The following EPYC variants were observed in gnomAD, a reference collection of about 807,000 sequenced individuals.
EPYC encodes the protein epiphycan.
A neutral mutation model predicts 30.1 loss-of-function variants in EPYC; 28 were observed. The observed-to-expected ratio is 0.93, with a 90% CI of 0.69 to 1.28. The LOEUF is 1.28. Among genes scored for constraint, EPYC ranks in the 50% most tolerant of loss-of-function variants. EPYC has a pLI of 0.00. For missense variants in EPYC, 382 were observed against 383.5 expected, an observed-to-expected ratio of 1.00 and a Z score of 0.03; for synonymous variants, 144 against 141.4, an observed-to-expected ratio of 1.02 and a Z score of -0.13.
At position 90,986,612 on chromosome 12, in the gene EPYC, T is replaced by C. The variant is rs561077290; in HGVS notation, c.166-8350A>G. On this transcript the variant is annotated intron_variant, in intron 2 of 6. Coordinates refer to ENST00000261172, the MANE Select transcript of EPYC (RefSeq NM_004950.5). ...CCATATAAACAAGCTGGGGCCAGCC[T>C]GTTGGAAGATGAGAGAGCACACGGT... 7.9e-5 allele frequency among the ~76,000 whole-genome samples: 12 copies of C among 152,210 alleles called. No individual in the cohort carries two copies. The South Asian group carries it at 1.9e-3, about 24-fold the overall frequency.
At chr12:90,968,452 G>A (rs1162981727) in intron 6 of EPYC, among the ~76,000 whole-genome samples, 1 of 152,118 alleles carries the variant, frequency 6.6e-6, no homozygotes, top group African/African-American at 2.4e-5. Flanking sequence ...AGTTTTAACT[G>A]CTATACTACA....
Position 90,978,264 on chromosome 12 carries a change from T to TAA in EPYC, c.166-3_166-2insTT. 7.0e-7 allele frequency: 1 copy of TAA among 1,435,412 alleles called. No individual in the cohort carries two copies. Among genetic ancestry groups the TAA allele is most frequent in the Non-Finnish European group, 9.1e-7 (1 of 1,100,128 alleles). 88.9% of individuals were successfully genotyped at this position (1,435,412 alleles called of 1,614,324 possible). On this transcript the variant is annotated splice_polypyrimidine_tract_variant and splice_region_variant and intron_variant, in intron 2 of 6. Transcript: ENST00000261172. ...AGGCATCACTGTGGCTATTTCAATC[T>TAA]GAAAAAAAAAAAAAAAAGAGAATTT...
At chr12:90,997,651 G>GA (rs1285304626) in intron 2 of EPYC, among the ~76,000 whole-genome samples, 5 of 151,972 alleles carry the variant, frequency 3.3e-5, no homozygotes, top group African/African-American at 1.2e-4. Flanking sequence ...AAGGCACATG[G>GA]AAAAATGTTT....
rs989412661 is a variant in EPYC at position 91,002,521 on chromosome 12, A to G, written c.45T>C (p.Asp15=). ...AGLVLGLVIF[D]AAVTAPTLES... ...CTAGAGTTGGGGCAGTCACAGCAGC[A>G]TCAAAGATGACAAGTCCCAGAACAA... is the stretch of plus-strand genomic sequence containing the variant. Residue 15 remains aspartate (D), a synonymous_variant, in exon 2 of 7, where the codon GAT becomes GAC. Coordinates refer to ENST00000261172, the MANE Select transcript of EPYC (RefSeq NM_004950.5). 6.2e-7 allele frequency: 1 copy of G among 1,613,228 alleles called. No individual in the cohort carries two copies. Among genetic ancestry groups the G allele is most frequent in the Non-Finnish European group, 8.5e-7 (1 of 1,179,564 alleles).
intron 2 of EPYC, among the ~76,000 whole-genome samples, chr12:90,991,245 G>A (rs1877580559): frequency 6.6e-6 from 1 of 152,062 alleles, no homozygotes; most frequent in Admixed American, 6.6e-5. Context: ...CCAACAAAGG[G>A]TAAGTTTCTC....
intron 6 of EPYC, among the ~76,000 whole-genome samples, chr12:90,964,673 A>G (rs1876850584): frequency 6.6e-6 from 1 of 152,138 alleles, no homozygotes; most frequent in Admixed American, 6.5e-5. Flanking sequence ...GAATGGATTG[A>G]CAAGAAGAAA....
chr12:90,969,949 A>C (rs1876994869), intron 6 of EPYC, 95 bp downstream of exon 6: 1 of 815,554 alleles, frequency 1.2e-6, no homozygotes. Flanking sequence ...ACAGTGTGTC[A>C]ACATGCCATT....
intron 4 of EPYC, among the ~76,000 whole-genome samples, chr12:90,972,276 T>TA (rs1877072044): frequency 6.6e-6 from 1 of 152,212 alleles, no homozygotes; most frequent in African/African-American, 2.4e-5. Context: ...TTTTGTCATT[T>TA]AAAATGTTTC....
chr12:90,969,016 T>G (rs910366428), intron 6 of EPYC, among the ~76,000 whole-genome samples: 4 of 150,754 alleles, frequency 2.7e-5, no homozygotes, highest in Admixed American at 6.6e-5. Context: ...TATATATATA[T>G]AGTGTGTGTA....
intron 2 of EPYC, among the ~76,000 whole-genome samples, chr12:90,978,921 T>C (rs1269283667): frequency 6.6e-6 from 1 of 152,188 alleles, no homozygotes; most frequent in Non-Finnish European, 1.5e-5. Flanking sequence ...ATAACAAATA[T>C]TGTAATGATA....
intron 5 of EPYC, among the ~76,000 whole-genome samples, chr12:90,970,439 G>C (rs756462520): frequency 3.9e-4 from 59 of 152,160 alleles, no homozygotes; most frequent in Non-Finnish European, 7.6e-4. Flanking sequence ...TTTAAGCAAG[G>C]CTGCTTCTTC....
At chr12:90,996,261 T>C (rs906092248) in intron 2 of EPYC, among the ~76,000 whole-genome samples, 5 of 152,016 alleles carry the variant, frequency 3.3e-5, no homozygotes, top group African/African-American at 1.2e-4. Context: ...TTATATATCA[T>C]TATCTAAAAT....
chr12:90,970,276 T>C lies in EPYC; in HGVS notation c.703-137A>G, dbSNP rs1877007954. ...AGCATGTTCCAGTTCAGGTCTTGTT[T>C]TGTAAAGTTGAGGCAGCTTAGTTTT... is the stretch of plus-strand genomic sequence containing the variant. On this transcript the variant is annotated intron_variant, in intron 5 of 6. Transcript: ENST00000261172. 7.7e-6 allele frequency: 5 copies of C among 648,706 alleles called. No homozygotes were observed. The South Asian group carries it at 8.9e-5, about 12-fold the overall frequency. The allele number at this position is 648,706 out of a possible 1,614,324, so 40.2% of individuals were successfully genotyped here.
intron 2 of EPYC, among the ~76,000 whole-genome samples, chr12:90,989,009 T>C (rs1877518247): frequency 2.0e-5 from 3 of 152,066 alleles, no homozygotes; most frequent in Non-Finnish European, 4.4e-5. Flanking sequence ...GTCTCACCCA[T>C]CATGTAGATA....
intron 2 of EPYC, among the ~76,000 whole-genome samples, chr12:90,981,762 G>C (rs985639021): frequency 1.4e-4 from 22 of 151,978 alleles, no homozygotes; most frequent in African/African-American, 5.3e-4. Context: ...ATTTCTTGTT[G>C]AACATGTTAA....
At chr12:90,967,913 T>C (rs937458364) in intron 6 of EPYC, among the ~76,000 whole-genome samples, 3 of 152,144 alleles carry the variant, frequency 2.0e-5, no homozygotes, top group Admixed American at 6.5e-5. Flanking sequence ...GAGGCTGTGG[T>C]AAGCTATGAT....
chr12:90,991,173 T>C (rs1468216389), intron 2 of EPYC, among the ~76,000 whole-genome samples: 2 of 152,150 alleles, frequency 1.3e-5, no homozygotes, highest in Non-Finnish European at 2.9e-5. Flanking sequence ...GCTATTTAAC[T>C]CTTTAAAGCC....
intron 6 of EPYC, among the ~76,000 whole-genome samples, chr12:90,964,856 C>A (rs1016846466): frequency 1.3e-5 from 2 of 152,062 alleles, no homozygotes; most frequent in African/African-American, 2.4e-5. Context: ...AAGCAGGGCC[C>A]AGGACTGGAT....
chr12:90,998,841 C>A (rs138516165), intron 2 of EPYC, among the ~76,000 whole-genome samples: 1 of 152,184 alleles, frequency 6.6e-6, no homozygotes, highest in East Asian at 1.9e-4. Flanking sequence ...AAGGGTCTCA[C>A]AAGGTCAAAG....
Sources: allele counts gnomAD v4.1 joint callset (sites outside exome capture counted in the v4.1 genomes callset), GRCh38; gene constraint gnomAD v4.1.1; transcripts MANE v1.5; gene names NCBI Gene and HGNC (gene_info 2026-07-23, HGNC 2026-07-21).